Variants in PHACTR3 observed in about 807,000 individuals in gnomAD.
PHACTR3 encodes the protein protein phosphatase 1, regulatory subunit 123.
Under a neutral mutation model 66.8 loss-of-function variants are expected in PHACTR3, and 16 were observed. The observed-to-expected ratio is 0.24, with a 90% CI of 0.16 to 0.36. The LOEUF (loss-of-function observed/expected upper bound fraction) is 0.36, where lower values mean the gene tolerates loss of function less well. PHACTR3 is among the 10% of genes least tolerant of loss of function. The pLI is 1.00. For synonymous variants in PHACTR3, 323 were observed against 292.1 expected (o/e 1.11, Z -1.08); for missense variants, 647 against 719.9 (o/e 0.90, Z 1.16).
At chr20:59,718,941 G>A (rs2038193369) in intron 1 of PHACTR3, among the ~76,000 whole-genome samples, 1 of 152,236 alleles carries the variant, frequency 6.6e-6, no homozygotes, top group Non-Finnish European at 1.5e-5. Flanking sequence ...TCCAAGTGGT[G>A]GCAAGCCCCT....
chr20:59,800,921 C>T (rs76580023), intron 7 of PHACTR3, among the ~76,000 whole-genome samples: 7 of 152,072 alleles, frequency 4.6e-5, no homozygotes. Context: ...GGCAGAACCC[C>T]GTGTACTCTA....
intron 1 of PHACTR3, among the ~76,000 whole-genome samples, chr20:59,662,939 G>A (rs532878166): frequency 1.7e-4 from 26 of 152,184 alleles, no homozygotes; most frequent in Non-Finnish European, 2.8e-4. Flanking sequence ...TTAAACCATG[G>A]AGATGTGTTC....
intron 1 of PHACTR3, chr20:59,577,672 G>A (rs2146295399): frequency 4.4e-6 from 5 of 1,133,692 alleles, no homozygotes; most frequent in East Asian, 7.1e-5. Context: ...GGTGCCCGCC[G>A]GGCACGAGGC....
intron 7 of PHACTR3, among the ~76,000 whole-genome samples, chr20:59,794,958 C>A (rs762682054): frequency 2.6e-5 from 4 of 151,996 alleles, no homozygotes; most frequent in African/African-American, 7.2e-5. Context: ...TTCAAAAAAA[C>A]CTCATTTGTT....
intron 7 of PHACTR3, among the ~76,000 whole-genome samples, chr20:59,783,308 C>T (rs931632516): frequency 1.1e-4 from 17 of 152,120 alleles, no homozygotes. Context: ...ACCTGGTGGG[C>T]GTCTTGCAGC....
At chr20:59,762,383 C>T (rs916945012) in intron 4 of PHACTR3, among the ~76,000 whole-genome samples, 23 of 152,368 alleles carry the variant, frequency 1.5e-4, no homozygotes, top group African/African-American at 5.0e-4. Flanking sequence ...CAGAGCTCCC[C>T]TGTCCAGTGC....
chr20:59,585,024 G>A (rs990671890), intron 1 of PHACTR3, among the ~76,000 whole-genome samples: 3 of 152,158 alleles, frequency 2.0e-5, no homozygotes, highest in African/African-American at 7.2e-5. Flanking sequence ...ACATATTAGG[G>A]GGAGTACAGT....
intron 1 of PHACTR3, among the ~76,000 whole-genome samples, chr20:59,606,955 C>G (rs1028089549): frequency 1.3e-5 from 2 of 152,090 alleles, no homozygotes; most frequent in Non-Finnish European, 2.9e-5. Context: ...AAGCACCAAG[C>G]AATTAAGTAT....
chr20:59,728,593 T>C (rs1302715516), intron 1 of PHACTR3, among the ~76,000 whole-genome samples: 10 of 151,974 alleles, frequency 6.6e-5, no homozygotes, highest in Admixed American at 6.6e-4. Flanking sequence ...ATTATAGCTT[T>C]CTTAACTCCT....
At chr20:59,740,127 A>G (rs1463009427) in intron 1 of PHACTR3, among the ~76,000 whole-genome samples, 1 of 152,172 alleles carries the variant, frequency 6.6e-6, no homozygotes, top group Non-Finnish European at 1.5e-5. Context: ...TCTATTGCTC[A>G]TATCATAGAA....
intron 1 of PHACTR3, among the ~76,000 whole-genome samples, chr20:59,683,960 A>G (rs1014729647): frequency 1.3e-5 from 2 of 152,088 alleles, no homozygotes; most frequent in African/African-American, 2.4e-5. Flanking sequence ...AGGACTATGT[A>G]TTTTCTGAAA....
At chr20:59,697,109 A>G (rs976100612) in intron 1 of PHACTR3, among the ~76,000 whole-genome samples, 35 of 152,288 alleles carry the variant, frequency 2.3e-4, no homozygotes, top group Admixed American at 7.8e-4. Flanking sequence ...CTAGGACTCT[A>G]TGAGGTAAGG....
intron 1 of PHACTR3, among the ~76,000 whole-genome samples, chr20:59,629,813 A>G (rs1412073194): frequency 1.4e-4 from 21 of 152,190 alleles, no homozygotes; most frequent in Admixed American, 1.4e-3. Flanking sequence ...GTGCTTGTCA[A>G]GACAGCCACT....
chr20:59,653,142 G>A (rs544920639), intron 1 of PHACTR3, among the ~76,000 whole-genome samples: 1 of 151,698 alleles, frequency 6.6e-6, no homozygotes, highest in South Asian at 2.1e-4. Context: ...GGAAATAATT[G>A]AACCTAACTA....
At chr20:59,673,453 G>A (rs771392755) in intron 1 of PHACTR3, among the ~76,000 whole-genome samples, 3 of 152,184 alleles carry the variant, frequency 2.0e-5, no homozygotes, top group East Asian at 1.9e-4. Flanking sequence ...GGTTCGCCCC[G>A]CCCAGGTCAG....
chr20:59,649,567 C>G (rs1001119873), intron 1 of PHACTR3, among the ~76,000 whole-genome samples: 2 of 152,154 alleles, frequency 1.3e-5, no homozygotes, highest in African/African-American at 4.8e-5. Flanking sequence ...TGAAGAAGAG[C>G]TTCTCCATAC....
intron 8 of PHACTR3, among the ~76,000 whole-genome samples, chr20:59,819,895 G>A (rs2041987857): frequency 6.6e-6 from 1 of 152,266 alleles, no homozygotes. Context: ...GGCATGCAGG[G>A]CTCTGCCATC....
intron 4 of PHACTR3, among the ~76,000 whole-genome samples, chr20:59,758,663 C>T (rs753657910): frequency 1.2e-4 from 18 of 152,114 alleles, no homozygotes; most frequent in Non-Finnish European, 1.5e-5. Context: ...AAGCAGCCCC[C>T]GGAGATCTCA....
intron 1 of PHACTR3, among the ~76,000 whole-genome samples, chr20:59,596,982 C>T (rs182278120): frequency 2.8e-4 from 43 of 152,358 alleles, no homozygotes; most frequent in Non-Finnish European, 5.3e-4. Flanking sequence ...CAAGCCATCC[C>T]GTGCCTGACA....
Sources: gnomAD v4.1 joint callset for allele counts (sites outside exome capture counted in the v4.1 genomes callset) on GRCh38, gnomAD v4.1.1 for gene constraint, MANE v1.5 for transcripts, NCBI Gene and HGNC (gene_info 2026-07-23, HGNC 2026-07-21) for gene names.